Variants in SNED1 observed in about 807,000 individuals in gnomAD.
SNED1 encodes the protein sushi, nidogen and EGF like domains 1.
Under a neutral mutation model 166.7 loss-of-function variants are expected in SNED1, and 81 were observed. That is an observed-to-expected ratio of 0.49 (90% CI 0.41 to 0.58). The LOEUF is 0.58. Among genes scored for constraint, SNED1 ranks in the 20% least tolerant of loss-of-function variants. The pLI, the probability that SNED1 is intolerant of heterozygous loss-of-function variation, is 0.00. For missense variants in SNED1, 1,604 were observed against 2,000.2 expected (o/e 0.80, Z 3.78); for synonymous variants, 762 against 822.0 (o/e 0.93, Z 1.25).
chr2:241,004,780 T>TG lies in SNED1; in HGVS notation c.213+5732dup, dbSNP rs529667614. Among the ~76,000 whole-genome samples, 961 of 152,356 alleles carry TG rather than the reference T, an allele frequency of 6.3e-3. 12 individuals carry two copies. The highest frequency in any genetic ancestry group is 0.02 in the African/African-American group (852 of 41,576). The stretch of plus-strand genomic sequence containing the variant: ...ACTCTGTCGCCAGGTTGGAGTGCAG[T>TG]GGCGTGATCTCGGCTCACTGCAACC... On this transcript the variant is annotated intron_variant, in intron 1 of 31. Transcript: ENST00000310397.
At position 241,082,139 on chromosome 2, in the gene SNED1, G is replaced by A. The variant is rs2302046; in HGVS notation, c.4034-138G>A. 250 of 644,184 alleles carry A rather than the reference G, an allele frequency of 3.9e-4. No individual in the cohort carries two copies. The East Asian group carries it at 6.4e-3, about 16-fold the overall frequency. 39.9% of individuals were successfully genotyped at this position (644,184 alleles called of 1,614,324 possible). A position where few individuals can be genotyped will look rare whatever the true frequency, so the allele number is the denominator to read the frequency against. On this transcript the variant is annotated intron_variant, in intron 28 of 31. Coordinates refer to ENST00000310397, the MANE Select transcript of SNED1 (RefSeq NM_001080437.3). ...TAGAGGAAGCCAGCTGCAGACCCCC[G>A]GGCCCTCTCCCACCATCCCGCCTTG... is the stretch of plus-strand genomic sequence containing the variant.
intron 18 of SNED1, 41 bp from the exon 19 acceptor site, chr2:241,063,971 C>T (rs910563096): frequency 4.3e-6 from 6 of 1,409,558 alleles, no homozygotes; most frequent in African/African-American, 1.4e-5. Flanking sequence ...CCCCCAGACT[C>T]CCCCCTTGCA....
chr2:241,082,273 G>T lies in SNED1; in HGVS notation c.4034-4G>T. On this transcript the variant is annotated splice_polypyrimidine_tract_variant and splice_region_variant and intron_variant, in intron 28 of 31. Coordinates refer to ENST00000310397, the MANE Select transcript of SNED1 (RefSeq NM_001080437.3). ...TGGTGAGCCACTGCCCTTCTTTGTCGCAGCCTGTATAAAGGTGTCCCGCCC... is the reference window on the plus strand; with the variant it reads ...TGGTGAGCCACTGCCCTTCTTTGTCTCAGCCTGTATAAAGGTGTCCCGCCC... 1 of 1,601,446 alleles carries T rather than the reference G, an allele frequency of 6.2e-7. No individual in the cohort carries two copies. The highest frequency in any genetic ancestry group is 8.5e-7 in the Non-Finnish European group (1 of 1,169,678).
Position 241,069,816 on chromosome 2 carries a change from C to G in SNED1, c.3308-104C>G, listed in dbSNP as rs1459098700. 5 of 1,347,916 alleles carry G rather than the reference C, an allele frequency of 3.7e-6. No individual in the cohort carries two copies. The East Asian group carries it at 1.2e-4, about 31-fold the overall frequency. 83.5% of individuals were successfully genotyped at this position (1,347,916 alleles called of 1,614,324 possible). ...CCATTCTCCATAATAAAGAATCTGG[C>G]TTCCAGCAAGGCTGCGGCAGCCCAT... On this transcript the variant is annotated intron_variant, in intron 23 of 31. Coordinates refer to ENST00000310397, the MANE Select transcript of SNED1 (RefSeq NM_001080437.3). This position sits in a 1 kb window ranked among gnomAD's most constrained non-coding sequence, Gnocchi z 4.9.
chr2:241,049,178 C>G, intron 11 of SNED1, 43 bp downstream of exon 11: 1 of 1,485,400 alleles, frequency 6.7e-7, no homozygotes. Flanking sequence ...GGGGCCCGGA[C>G]AGAAGCCAGG....
At chr2:241,027,951 T>A (rs1017206011) in intron 1 of SNED1, among the ~76,000 whole-genome samples, 9 of 152,094 alleles carry the variant, frequency 5.9e-5, no homozygotes, top group Middle Eastern at 3.2e-3. Context: ...GCCAGGATGG[T>A]CTTGATCTCC....
At chr2:241,063,383 G>A in intron 17 of SNED1, 1 of 600,542 alleles carries the variant, frequency 1.7e-6, no homozygotes, top group South Asian at 1.8e-5. Flanking sequence ...TGGAGGTGGG[G>A]CTTTGCCAGC....
rs199771962 is a variant in SNED1 at position 241,067,967 on chromosome 2, G to A, written c.3194+20G>A. On this transcript the variant is annotated intron_variant, in intron 22 of 31. Coordinates refer to ENST00000310397, the MANE Select transcript of SNED1 (RefSeq NM_001080437.3). ...CTTTAGGTAAGAAGGGACACCCAGA[G>A]CATGGGGCTGGGGTGAAGGCAGGGG... is the stretch of plus-strand genomic sequence containing the variant. The A allele has an allele frequency of 9.9e-5, 157 of 1,593,458 alleles. No homozygotes were observed. In the African/African-American group the frequency reaches 1.4e-3, roughly 14 times the overall value.
At chr2:241,087,038 C>T (rs111241071) in intron 29 of SNED1, 5 of 195,584 alleles carry the variant, frequency 2.6e-5, no homozygotes, top group African/African-American at 2.3e-5. Context: ...AACAGAAAAG[C>T]GAGGCCATAC....
In SNED1 at chr2:241,081,736, GC is replaced by G. The variant is rs1559309683; in HGVS notation, c.3977del (p.Ala1326GlufsTer22). 6.2e-7 allele frequency: 1 copy of G among 1,608,992 alleles called. No individual in the cohort carries two copies. Among genetic ancestry groups the G allele is most frequent in the Non-Finnish European group, 8.5e-7 (1 of 1,177,830 alleles). Reference protein sequence around the residue: ...CQNGGTCVPGADAHSCDCGPG... With the variant: ...CQNGGTCVPGXDAHSCDCGPG... ...GAACGGAGGCACTTGTGTGCCGGGC[GC>G]AGACGCCCACAGCTGTGACTGCGGG... On this transcript the variant is annotated frameshift_variant, in exon 28 of 32. Transcript: ENST00000310397. LOFTEE classifies it high-confidence loss of function.
At chr2:241,026,173 G>A (rs1177261117) in intron 1 of SNED1, among the ~76,000 whole-genome samples, 1 of 151,760 alleles carries the variant, frequency 6.6e-6, no homozygotes, top group East Asian at 1.9e-4. Flanking sequence ...CCAACACCAC[G>A]ACCAGCTAAG....
Position 241,051,754 on chromosome 2 carries a change from C to T in SNED1, c.1746C>T (p.His582=), listed in dbSNP as rs1193578729. The change falls in exon 13 of 32, where the codon CAC becomes CAT. Residue 582 remains histidine (H), a synonymous_variant. Coordinates refer to ENST00000310397, the MANE Select transcript of SNED1 (RefSeq NM_001080437.3). The surrounding 1 kb of genome is among the most constrained non-coding windows in gnomAD (Gnocchi z 4.7). Reference sequence around the variant, plus strand: ...TGTCCTTCCACACAGCCCGGCCACACCTGTGCAGCTCAGGGCCCTGCCGGA... The same window carrying T: ...TGTCCTTCCACACAGCCCGGCCACATCTGTGCAGCTCAGGGCCCTGCCGGA... ...HGKHCEKARP[H]LCSSGPCRNG... 2.6e-6 allele frequency: 4 copies of T among 1,520,904 alleles called. No homozygotes were observed. The African/African-American group carries it at 5.5e-5, about 21-fold the overall frequency. The allele number at this position is 1,520,904 out of a possible 1,614,324, so 94.2% of individuals were successfully genotyped here.
intron 1 of SNED1, among the ~76,000 whole-genome samples, chr2:241,005,546 T>C (rs1427909244): frequency 6.6e-6 from 1 of 152,130 alleles, no homozygotes; most frequent in African/African-American, 2.4e-5. Flanking sequence ...CTTGAAGGAC[T>C]TCCTCTAATA....
chr2:241,052,810 AAGCAGGGTACATGGGATGCCG>A (rs1323142796), intron 15 of SNED1, among the ~76,000 whole-genome samples: 2,179 of 135,662 alleles, frequency 0.016, 102 homozygotes, highest in East Asian at 0.079. Context: ...TGGGGGGCCC[AAGCAGGGTACATGGGATGCCG>A]GTGTCAGGCA....
Position 241,090,871 on chromosome 2 carries a change from A to C in SNED1, c.*2-767A>C, listed in dbSNP as rs554149542. On this transcript the variant is annotated intron_variant, in intron 31 of 31. Coordinates refer to ENST00000310397, the MANE Select transcript of SNED1 (RefSeq NM_001080437.3). ...AACTGAGCAAGACCCTCTGTCTCAAAAAAAAAAAAAAAAGAAAAAAGAATT... is the reference window on the plus strand; with the variant it reads ...AACTGAGCAAGACCCTCTGTCTCAACAAAAAAAAAAAAAGAAAAAAGAATT... 9.4e-5 allele frequency among the ~76,000 whole-genome samples: 14 copies of C among 148,848 alleles called. No individual in the cohort carries two copies. The South Asian group carries it at 1.5e-3, about 16-fold the overall frequency.
chr2:241,055,902 A>T (rs1316954287), intron 16 of SNED1, among the ~76,000 whole-genome samples: 2 of 152,220 alleles, frequency 1.3e-5, no homozygotes, highest in Non-Finnish European at 2.9e-5. Flanking sequence ...AAACTGCTCT[A>T]GCCCCAACCC....
chr2:240,998,339 C>A (rs2106509236), upstream of SNED1, among the ~76,000 whole-genome samples: 1 of 152,332 alleles, frequency 6.6e-6, no homozygotes, highest in South Asian at 2.1e-4. Context: ...GCGGGCCCAG[C>A]GTCTCAGGCC....
chr2:241,082,687 T>C lies in SNED1; in HGVS notation c.4121+323T>C, dbSNP rs550661163. On this transcript the variant is annotated intron_variant, in intron 29 of 31. Coordinates refer to ENST00000310397, the MANE Select transcript of SNED1 (RefSeq NM_001080437.3). ...GCAGAGCCAACTGATGTGACCTTCCTCTCTTCTCTTCCTCAGAGCCCCCTG... is the reference window on the plus strand; with the variant it reads ...GCAGAGCCAACTGATGTGACCTTCCCCTCTTCTCTTCCTCAGAGCCCCCTG... Among the ~76,000 whole-genome samples the C allele has an allele frequency of 5.3e-5, 8 of 152,254 alleles. No homozygotes were observed. The South Asian group carries it at 1.7e-3, about 32-fold the overall frequency.
At chr2:241,071,269 C>G in intron 24 of SNED1, 2 of 469,006 alleles carry the variant, frequency 4.3e-6, no homozygotes, top group Non-Finnish European at 7.8e-6. Context: ...AGTGCCCAGC[C>G]CCTTGAGAAC....
Sources: allele counts gnomAD v4.1 joint callset (sites outside exome capture counted in the v4.1 genomes callset), GRCh38; gene constraint gnomAD v4.1.1; non-coding constraint Gnocchi (gnomAD v3.1); transcripts MANE v1.5; gene names NCBI Gene and HGNC (gene_info 2026-07-23, HGNC 2026-07-21).